IKZF2: variants seen among roughly 807,000 people sequenced by gnomAD.
IKZF2 encodes the protein zinc finger protein Helios.
In IKZF2, 15 loss-of-function variants were observed where a neutral mutation model predicts 49.2. That is an observed-to-expected ratio of 0.30 (90% confidence interval 0.20 to 0.47). The LOEUF is 0.47. Among genes scored for constraint, IKZF2 ranks in the 20% least tolerant of loss-of-function variants. IKZF2 has a pLI of 1.00. For missense variants in IKZF2, 567 were observed against 664.6 expected, an observed-to-expected ratio of 0.85 and a Z score of 1.61; for synonymous variants, 227 against 221.4, an observed-to-expected ratio of 1.03 and a Z score of -0.23.
chr2:213,097,623 T>C lies in IKZF2; in HGVS notation c.140-40524A>G, dbSNP rs189747809. On this transcript the variant is annotated intron_variant, in intron 4 of 8. Transcript: ENST00000434687. Reference sequence around the variant, plus strand: ...ACAAAATATAATTAAACTTAATTAATAACTCTTTAAGAACTGATTTCATCA... The same window carrying C: ...ACAAAATATAATTAAACTTAATTAACAACTCTTTAAGAACTGATTTCATCA... Among the ~76,000 whole-genome samples, 21 of 152,032 alleles carry C rather than the reference T, an allele frequency of 1.4e-4. No homozygotes were observed. In the East Asian group the frequency reaches 3.9e-3, roughly 28 times the overall value.
chr2:213,047,952 G>A (rs930239122), intron 6 of IKZF2, among the ~76,000 whole-genome samples: 3 of 152,036 alleles, frequency 2.0e-5, no homozygotes, highest in African/African-American at 7.2e-5. Context: ...TTGATTGGAA[G>A]AAGAACACTA....
chr2:213,007,086 C>G lies in IKZF2; in HGVS notation c.*274G>C. ...AGTGATTTTTCAAAGCATGATATGC[C>G]TTGGTAGAAATGGACTGCTCTTAAA... On this transcript the variant is annotated 3_prime_UTR_variant, in exon 9 of 9. Transcript: ENST00000434687. The G allele has an allele frequency of 3.1e-6, 1 of 319,628 alleles. No homozygotes were observed. The highest frequency in any genetic ancestry group is 5.7e-6 in the Non-Finnish European group (1 of 174,622). The allele number at this position is 319,628 out of a possible 1,614,324, so 19.8% of individuals were successfully genotyped here. A position where few individuals can be genotyped will look rare whatever the true frequency, so the allele number is the denominator to read the frequency against.
At chr2:213,146,397 A>T (rs1211724504) in intron 4 of IKZF2, among the ~76,000 whole-genome samples, 1 of 152,050 alleles carries the variant, frequency 6.6e-6, no homozygotes. Context: ...TTCTTTCTAA[A>T]TGATACGGGA....
At chr2:213,047,166 C>A (rs996798209) in intron 6 of IKZF2, among the ~76,000 whole-genome samples, 2 of 152,120 alleles carry the variant, frequency 1.3e-5, no homozygotes, top group African/African-American at 2.4e-5. Context: ...TAACAGAATG[C>A]CTTACCAATT....
chr2:213,073,862 C>T (rs1702968219), intron 4 of IKZF2, among the ~76,000 whole-genome samples: 1 of 152,128 alleles, frequency 6.6e-6, no homozygotes, highest in African/African-American at 2.4e-5. Context: ...AAAGTAACAT[C>T]CAGAAGTAGA....
intron 4 of IKZF2, among the ~76,000 whole-genome samples, chr2:213,072,846 C>T (rs892863753): frequency 1.3e-5 from 2 of 151,988 alleles, no homozygotes; most frequent in African/African-American, 2.4e-5. Context: ...CACATGAACA[C>T]GAAATCTAAG....
chr2:213,079,030 A>G (rs6726540), intron 4 of IKZF2, among the ~76,000 whole-genome samples: 43,987 of 152,056 alleles, frequency 0.29, 7,768 homozygotes, highest in Non-Finnish European at 0.4. Flanking sequence ...TGTTGCTGCT[A>G]TTGTTGTTGC....
intron 4 of IKZF2, among the ~76,000 whole-genome samples, chr2:213,096,303 G>A (rs1705986400): frequency 6.6e-6 from 1 of 151,756 alleles, no homozygotes; most frequent in Non-Finnish European, 1.5e-5. Flanking sequence ...TAAAAACTTT[G>A]TTTTCTATTC....
At chr2:213,071,304 T>C (rs1702678786) in intron 4 of IKZF2, among the ~76,000 whole-genome samples, 1 of 152,000 alleles carries the variant, frequency 6.6e-6, no homozygotes, top group African/African-American at 2.4e-5. Context: ...ATATACAACA[T>C]TTAAAAACAC....
chr2:213,047,729 G>A (rs1700291522), intron 6 of IKZF2, among the ~76,000 whole-genome samples: 1 of 152,000 alleles, frequency 6.6e-6, no homozygotes, highest in Non-Finnish European at 1.5e-5. Flanking sequence ...ATACAATGAG[G>A]ACAAGAAGAA....
At chr2:213,089,716 G>A (rs1015364857) in intron 4 of IKZF2, among the ~76,000 whole-genome samples, 18 of 152,238 alleles carry the variant, frequency 1.2e-4, no homozygotes, top group Middle Eastern at 3.4e-3. Flanking sequence ...ATTCTGTTAC[G>A]GGGAGAAGGA....
At chr2:213,117,025 G>C (rs928474559) in intron 4 of IKZF2, among the ~76,000 whole-genome samples, 2 of 151,784 alleles carry the variant, frequency 1.3e-5, no homozygotes, top group African/African-American at 4.8e-5. Flanking sequence ...CAGCACTTAG[G>C]GTAAAATTCC....
At position 213,091,561 on chromosome 2, in the gene IKZF2, C is replaced by G. The variant is rs150797265; in HGVS notation, c.140-34462G>C. Reference sequence around the variant, plus strand: ...CATGACACACAGCTGACAAGGATACCTGATCCCCTCAATGGCTGAGTTTTG... The same window carrying G: ...CATGACACACAGCTGACAAGGATACGTGATCCCCTCAATGGCTGAGTTTTG... On this transcript the variant is annotated intron_variant, in intron 4 of 8. Coordinates refer to ENST00000434687, the MANE Select transcript of IKZF2 (RefSeq NM_001387220.1). 4.2e-3 allele frequency among the ~76,000 whole-genome samples: 633 copies of G among 152,236 alleles called. 4 individuals carry two copies. Among genetic ancestry groups the G allele is most frequent in the African/African-American group, 0.014 (592 of 41,548 alleles).
intron 6 of IKZF2, among the ~76,000 whole-genome samples, chr2:213,042,001 T>G (rs1699713013): frequency 6.6e-6 from 1 of 152,186 alleles, no homozygotes; most frequent in Admixed American, 6.5e-5. Context: ...TAACACATTG[T>G]AGTTCGCATC....
At chr2:213,058,218 G>A (rs1701352729) in intron 4 of IKZF2, among the ~76,000 whole-genome samples, 1 of 152,038 alleles carries the variant, frequency 6.6e-6, no homozygotes, top group Non-Finnish European at 1.5e-5. Context: ...TGGCTCTGTG[G>A]TAGAAAAGTA....
intron 5 of IKZF2, among the ~76,000 whole-genome samples, chr2:213,053,905 T>C (rs996586138): frequency 2.0e-5 from 3 of 152,210 alleles, no homozygotes; most frequent in African/African-American, 7.2e-5. Flanking sequence ...TTCGATCTGA[T>C]GCTCCATGAT....
chr2:213,023,354 T>C (rs1461535945), intron 6 of IKZF2, among the ~76,000 whole-genome samples: 2 of 152,226 alleles, frequency 1.3e-5, no homozygotes, highest in Admixed American at 1.3e-4. Flanking sequence ...AACCTTTAGA[T>C]TGTAATTGAG....
At chr2:213,014,030 C>T in intron 7 of IKZF2, 96 bp from the exon 8 acceptor site, 1 of 1,167,468 alleles carries the variant, frequency 8.6e-7, no homozygotes, top group African/African-American at 1.5e-5. Flanking sequence ...GTTATAAAAG[C>T]TAGTATGCTT....
At chr2:213,081,400 C>T (rs1272184417) in intron 4 of IKZF2, among the ~76,000 whole-genome samples, 2 of 152,180 alleles carry the variant, frequency 1.3e-5, no homozygotes, top group African/African-American at 4.8e-5. Flanking sequence ...AGAAGTAATT[C>T]ACTCTTTTAA....
Sources: allele counts gnomAD v4.1 joint callset (sites outside exome capture counted in the v4.1 genomes callset), GRCh38; gene constraint gnomAD v4.1.1; transcripts MANE v1.5; gene names NCBI Gene and HGNC (gene_info 2026-07-23, HGNC 2026-07-21).